CES3: variants seen among roughly 807,000 people sequenced by gnomAD.
CES3 encodes carboxylesterase 3 (brain).
CES3 carries 49 observed loss-of-function variants against 57.6 expected under a neutral mutation model. The observed-to-expected ratio is 0.85, with a 90% CI of 0.68 to 1.08. The LOEUF is 1.08. Among genes scored for constraint, CES3 ranks in the 50% least tolerant of loss-of-function variants. The pLI is 0.00. For synonymous variants in CES3, 266 were observed against 281.6 expected, an observed-to-expected ratio of 0.94 and a Z score of 0.55; for missense variants, 645 against 742.0, an observed-to-expected ratio of 0.87 and a Z score of 1.52.
intron 11 of CES3, 49 bp downstream of exon 11, chr16:66,972,554 G>C: frequency 1.2e-6 from 2 of 1,606,150 alleles, no homozygotes; most frequent in Non-Finnish European, 1.7e-6. Context: ...CAGACTCCAA[G>C]GGGCCTGGGC....
At position 66,964,380 on chromosome 16, in the gene CES3, G is replaced by C. The variant is rs375395231; in HGVS notation, c.584G>C (p.Gly195Ala). The C allele has an allele frequency of 6.2e-7, 1 of 1,613,884 alleles. No individual in the cohort carries two copies. ...FFSTGDEHAP[G>A]NQGFLDVVAA... The stretch of plus-strand genomic sequence containing the variant: ...AGCACTGGAGATGAGCATGCACCTG[G>C]CAACCAGGGCTTCCTAGATGTGGTA... The change falls in exon 5 of 13, where the codon GGC becomes GCC. Residue 195 changes from glycine (G) to alanine (A), a missense_variant. Coordinates refer to ENST00000303334, the MANE Select transcript of CES3 (RefSeq NM_024922.6).
In CES3 at chr16:66,963,898, A is replaced by G; in HGVS notation, c.523A>G (p.Thr175Ala). ...LAAYGDVVVV[T>A]VQYRLGVLGF... is the part of the protein sequence containing the mutation. ...TGCCTATGGGGATGTGGTCGTGGTT[A>G]CAGTCCAGTACCGCCTTGGGGTCCT... Residue 175 changes from threonine to alanine, a missense_variant, in exon 4 of 13, where the codon ACA becomes GCA. Transcript: ENST00000303334. The surrounding 1 kb of genome is among the most constrained non-coding windows in gnomAD (Gnocchi z 4.9). The G allele has an allele frequency of 5.0e-6, 8 of 1,614,086 alleles. No homozygotes were observed. Among genetic ancestry groups the G allele is most frequent in the Non-Finnish European group, 6.8e-6 (8 of 1,179,922 alleles).
chr16:66,970,643 A>T (rs1963816404), intron 9 of CES3, among the ~76,000 whole-genome samples: 2 of 152,214 alleles, frequency 1.3e-5, no homozygotes, highest in Middle Eastern at 6.8e-3. Flanking sequence ...ACACATGGGG[A>T]TGACACTGCC....
chr16:66,966,379 A>G, intron 7 of CES3, 34 bp downstream of exon 7: 1 of 1,593,994 alleles, frequency 6.3e-7, no homozygotes. Context: ...GTGCCGGGCA[A>G]TGGCACAGAG....
At chr16:66,967,186 G>A (rs1963746718) in intron 8 of CES3, among the ~76,000 whole-genome samples, 1 of 152,078 alleles carries the variant, frequency 6.6e-6, no homozygotes, top group South Asian at 2.1e-4. Flanking sequence ...GGGTTCAAGA[G>A]TTTCTCCTGC....
At chr16:66,961,761 A>G (rs1461112529) in intron 1 of CES3, among the ~76,000 whole-genome samples, 1 of 151,860 alleles carries the variant, frequency 6.6e-6, no homozygotes, top group Admixed American at 6.6e-5. Flanking sequence ...ATGGGGTTTC[A>G]CCATGTGGGC....
rs764860917 is a variant in CES3 at position 66,972,860 on chromosome 16, C to CA, written c.1529dup (p.Asn510LysfsTer2). ...ATTCATTCCTCCCACCCAGGGACCC[C>CA]AATAGCAAGGCTCTGCCTCCTTGGC... is the stretch of plus-strand genomic sequence containing the variant. On this transcript the variant is annotated frameshift_variant, in exon 13 of 13. Transcript: ENST00000303334. LOFTEE classifies it low-confidence loss of function (END_TRUNC). 9.9e-6 allele frequency: 16 copies of CA among 1,613,978 alleles called. No homozygotes were observed. The Admixed American group carries it at 2.0e-4, about 20-fold the overall frequency.
Position 66,971,300 on chromosome 16 carries a change from T to C in CES3, c.1272T>C (p.Ser424=), listed in dbSNP as rs1419134959. The C allele has an allele frequency of 6.2e-7, 1 of 1,613,644 alleles. No individual in the cohort carries two copies. Residue 424 remains serine, a synonymous_variant, in exon 10 of 13, where the codon AGT becomes AGC. Transcript: ENST00000303334. ...GDVFINVPTV[S]FSRYLRDSGS... is the part of the protein sequence containing the mutation. ...TATTCATCAATGTTCCCACCGTCAG[T>C]TTTTCAAGATACCTTCGAGGTAAGC... is the stretch of plus-strand genomic sequence containing the variant.
intron 8 of CES3, among the ~76,000 whole-genome samples, chr16:66,968,221 G>A (rs541618418): frequency 2.0e-5 from 3 of 152,216 alleles, no homozygotes; most frequent in East Asian, 3.9e-4. Flanking sequence ...GTGCAATGGC[G>A]CGATCTTAGC....
In CES3 at chr16:66,971,326, C is replaced by A; in HGVS notation, c.1291+7C>A. ...TTTTCAAGATACCTTCGAGGTAAGCCTGTCCCTGGCCACCTGCCCAACCCC... is the reference window on the plus strand; with the variant it reads ...TTTTCAAGATACCTTCGAGGTAAGCATGTCCCTGGCCACCTGCCCAACCCC... On this transcript the variant is annotated splice_region_variant and intron_variant, in intron 10 of 12. Coordinates refer to ENST00000303334, the MANE Select transcript of CES3 (RefSeq NM_024922.6). 6.2e-7 allele frequency: 1 copy of A among 1,610,904 alleles called. No homozygotes were observed. Among genetic ancestry groups the A allele is most frequent in the African/African-American group, 1.3e-5 (1 of 75,010 alleles).
chr16:66,966,226 T>A lies in CES3; in HGVS notation c.820-18T>A, dbSNP rs779160467. 4.3e-6 allele frequency: 7 copies of A among 1,610,392 alleles called. No individual in the cohort carries two copies. The highest frequency in any genetic ancestry group is 1.1e-5 in the South Asian group (1 of 91,008). On this transcript the variant is annotated intron_variant, in intron 6 of 12. Coordinates refer to ENST00000303334, the MANE Select transcript of CES3 (RefSeq NM_024922.6). ...TGAGTGGCTGAGAGGGAGGCATGAC[T>A]CTTTCATTTGTCCCCAGAAAATCGC...
intron 1 of CES3, among the ~76,000 whole-genome samples, chr16:66,961,895 G>GT (rs1046175337): frequency 6.6e-6 from 1 of 152,078 alleles, no homozygotes; most frequent in Non-Finnish European, 1.5e-5. Context: ...CCTGAGATTT[G>GT]TTTTAATGAA....
intron 9 of CES3, 82 bp downstream of exon 9, chr16:66,969,841 C>A: frequency 2.4e-6 from 3 of 1,252,270 alleles, no homozygotes; most frequent in Non-Finnish European, 2.3e-6. Context: ...ACAGTCTCTG[C>A]CCCTACCTTC....
intron 12 of CES3, 41 bp from the exon 13 acceptor site, chr16:66,972,805 TGGGGGACA>T (rs1311247416): frequency 2.5e-6 from 4 of 1,613,890 alleles, no homozygotes; most frequent in Non-Finnish European, 3.4e-6. Context: ...TCGGCCCCTC[TGGGGGACA>T]GCACAGGAAG....
Position 66,973,103 on chromosome 16 carries a change from A to G in CES3, c.*54A>G, listed in dbSNP as rs1264262463. The G allele has an allele frequency of 6.5e-7, 1 of 1,542,570 alleles. No individual in the cohort carries two copies. Among genetic ancestry groups the G allele is most frequent in the Non-Finnish European group, 8.9e-7 (1 of 1,125,972 alleles). On this transcript the variant is annotated 3_prime_UTR_variant, in exon 13 of 13. Transcript: ENST00000303334. ...CAAACCACTCTTCAAGTGGTGGCAG[A>G]GTCCCAGCACGGCAGCCCGCCTCTC...
At position 66,973,942 on chromosome 16, in the gene CES3, G is replaced by A. The variant is rs1963889481; in HGVS notation, c.*893G>A. ...CTGGCTTGGGGAGACCAGTTTCTGG[G>A]GAGCTTCCAAGAGCACCCACCAAGA... On this transcript the variant is annotated 3_prime_UTR_variant, in exon 13 of 13. Coordinates refer to ENST00000303334, the MANE Select transcript of CES3 (RefSeq NM_024922.6). 6.6e-6 allele frequency: 1 copy of A among 152,264 alleles called. No individual in the cohort carries two copies. The highest frequency in any genetic ancestry group is 2.4e-5 in the African/African-American group (1 of 41,408). The allele number at this position is 152,264 out of a possible 1,614,324, so 9.4% of individuals were successfully genotyped here.
chr16:66,962,402 G>C (rs1963663635), intron 1 of CES3, among the ~76,000 whole-genome samples: 1 of 152,234 alleles, frequency 6.6e-6, no homozygotes, highest in Non-Finnish European at 1.5e-5. Flanking sequence ...AAGAATACAG[G>C]AAGCTGGGTA....
Position 66,963,581 on chromosome 16 carries a change from C to T in CES3, c.378C>T (p.Val126=). 1.2e-6 allele frequency: 2 copies of T among 1,614,224 alleles called. No homozygotes were observed. The highest frequency in any genetic ancestry group is 1.1e-5 in the South Asian group (1 of 91,084). The change falls in exon 3 of 13, where the codon GTC becomes GTT. Residue 126 remains valine, a synonymous_variant. Coordinates refer to ENST00000303334, the MANE Select transcript of CES3 (RefSeq NM_024922.6). This position sits in a 1 kb window ranked among gnomAD's most constrained non-coding sequence, Gnocchi z 4.9. Reference sequence around the variant, plus strand: ...TCTCCGTTTCAGAGGACTGCCTGGTCCTCAACGTCTATAGCCCAGCTGAGG... The same window carrying T: ...TCTCCGTTTCAGAGGACTGCCTGGTTCTCAACGTCTATAGCCCAGCTGAGG... ...QIFSVSEDCL[V]LNVYSPAEVP... is the part of the protein sequence containing the mutation.
chr16:66,973,115 G>T lies in CES3; in HGVS notation c.*66G>T. On this transcript the variant is annotated 3_prime_UTR_variant, in exon 13 of 13. Coordinates refer to ENST00000303334, the MANE Select transcript of CES3 (RefSeq NM_024922.6). ...CAAGTGGTGGCAGAGTCCCAGCACGGCAGCCCGCCTCTCCCCCTGCTGAGA... is the reference window on the plus strand; with the variant it reads ...CAAGTGGTGGCAGAGTCCCAGCACGTCAGCCCGCCTCTCCCCCTGCTGAGA... The T allele has an allele frequency of 7.0e-7, 1 of 1,428,384 alleles. No homozygotes were observed. Among genetic ancestry groups the T allele is most frequent in the Non-Finnish European group, 9.6e-7 (1 of 1,037,298 alleles). The allele number at this position is 1,428,384 out of a possible 1,614,324, so 88.5% of individuals were successfully genotyped here. A position where few individuals can be genotyped will look rare whatever the true frequency, so the allele number is the denominator to read the frequency against.
Sources: gnomAD v4.1 joint callset for allele counts (sites outside exome capture counted in the v4.1 genomes callset) on GRCh38, gnomAD v4.1.1 for gene constraint, Gnocchi (gnomAD v3.1) non-coding constraint, MANE v1.5 for transcripts, NCBI Gene and HGNC (gene_info 2026-07-23, HGNC 2026-07-21) for gene names.